TNKS: variants seen among roughly 807,000 people sequenced by gnomAD.
TNKS encodes the protein poly [ADP-ribose] polymerase tankyrase-1.
TNKS carries 72 observed loss-of-function variants against 135.8 expected under a neutral mutation model. The observed-to-expected ratio is 0.53, with a 90% CI of 0.44 to 0.64. TNKS has a LOEUF of 0.64. TNKS is among the 30% of genes least tolerant of loss of function. TNKS has a pLI of 0.00. For missense variants in TNKS, 1,769 were observed against 1,674.0 expected, an observed-to-expected ratio of 1.06 and a Z score of -0.99; for synonymous variants, 849 against 649.3, an observed-to-expected ratio of 1.31 and a Z score of -4.68.
At chr8:9,722,817 C>G (rs1313215211) in intron 12 of TNKS, among the ~76,000 whole-genome samples, 1 of 152,114 alleles carries the variant, frequency 6.6e-6, no homozygotes. Flanking sequence ...AAATTATGTG[C>G]ATAGCTTTTA....
At chr8:9,722,633 C>A (rs1392906843) in intron 12 of TNKS, 3 of 151,692 alleles carry the variant, frequency 2.0e-5, no homozygotes, top group African/African-American at 7.3e-5. Flanking sequence ...AGATATTACT[C>A]CTTGCCTAGG....
At chr8:9,592,037 C>G (rs1585205836) in intron 2 of TNKS, among the ~76,000 whole-genome samples, 1 of 152,116 alleles carries the variant, frequency 6.6e-6, no homozygotes, top group African/African-American at 2.4e-5. Flanking sequence ...TATTATAGGA[C>G]TCATTTTTAA....
At chr8:9,753,432 A>G (rs1350320504) in intron 20 of TNKS, among the ~76,000 whole-genome samples, 5 of 152,142 alleles carry the variant, frequency 3.3e-5, no homozygotes, top group Non-Finnish European at 7.4e-5. Context: ...ATTCCAATAG[A>G]CCCACCCTAT....
chr8:9,616,169 A>G (rs1395704900), intron 3 of TNKS, among the ~76,000 whole-genome samples: 1 of 152,182 alleles, frequency 6.6e-6, no homozygotes, highest in Non-Finnish European at 1.5e-5. Flanking sequence ...ATGATAGCTA[A>G]GTTATTTTTA....
At chr8:9,746,758 C>A (rs928609451) in intron 17 of TNKS, among the ~76,000 whole-genome samples, 1 of 152,036 alleles carries the variant, frequency 6.6e-6, no homozygotes, top group African/African-American at 2.4e-5. Context: ...GTGAATGATG[C>A]CCCCTCGACT....
intron 12 of TNKS, among the ~76,000 whole-genome samples, chr8:9,722,059 C>CA (rs752434732): frequency 1.6e-3 from 76 of 47,326 alleles, no homozygotes; most frequent in African/African-American, 4.0e-3. Context: ...TCCATCTCAA[C>CA]AAAAAAAAAA....
chr8:9,642,632 A>G (rs1384773733), intron 3 of TNKS, among the ~76,000 whole-genome samples: 2 of 146,332 alleles, frequency 1.4e-5, no homozygotes, highest in Admixed American at 1.4e-4. Context: ...ATTTTAGTTT[A>G]ATATACTGCA....
Position 9,608,875 on chromosome 8 carries a change from C to G in TNKS, c.899-6707C>G, listed in dbSNP as rs4265191. ...TTCTTTCAGGGATCACTGTTTACAA[C>G]TGCAGCTGGCTACTGCCTGCAGTTA... On this transcript the variant is annotated intron_variant, in intron 2 of 26. Transcript: ENST00000310430. Among the ~76,000 whole-genome samples, 23 of 152,176 alleles carry G rather than the reference C, an allele frequency of 1.5e-4. No homozygotes were observed. The South Asian group carries it at 4.8e-3, about 32-fold the overall frequency.
intron 26 of TNKS, among the ~76,000 whole-genome samples, chr8:9,772,819 GTGTGTGTGTGTC>G (rs1281262419): frequency 0.017 from 1,382 of 79,658 alleles, 17 homozygotes; most frequent in African/African-American, 0.05. Flanking sequence ...TTGTGTGTGT[GTGTGTGTGTGTC>G]TGTGTGTGTG....
chr8:9,606,611 A>T (rs1799230581), intron 2 of TNKS, among the ~76,000 whole-genome samples: 1 of 151,988 alleles, frequency 6.6e-6, no homozygotes, highest in African/African-American at 2.4e-5. Flanking sequence ...TATTTTCTTT[A>T]AGTCTTTGAA....
intron 20 of TNKS, among the ~76,000 whole-genome samples, chr8:9,761,258 T>C (rs902316893): frequency 6.6e-6 from 1 of 152,204 alleles, no homozygotes; most frequent in African/African-American, 2.4e-5. Context: ...GTGATGATCA[T>C]TTTGTATTTC....
chr8:9,568,507 A>G (rs1189809228), intron 1 of TNKS, among the ~76,000 whole-genome samples: 1 of 152,216 alleles, frequency 6.6e-6, no homozygotes, highest in African/African-American at 2.4e-5. Flanking sequence ...AATATTAGAA[A>G]TTTTAAAAAT....
At chr8:9,752,093 T>G (rs116113463) in intron 19 of TNKS, among the ~76,000 whole-genome samples, 2,151 of 152,310 alleles carry the variant, frequency 0.014, 25 homozygotes, top group African/African-American at 0.034. Context: ...TTGAACCACT[T>G]ATACTGAAAT....
At chr8:9,666,577 G>A (rs192094060) in intron 3 of TNKS, among the ~76,000 whole-genome samples, 146 of 152,180 alleles carry the variant, frequency 9.6e-4, no homozygotes, top group Non-Finnish European at 3.8e-4. Flanking sequence ...AAAATTAGCT[G>A]GCTGTGGTGG....
At chr8:9,594,255 A>G (rs1295677090) in intron 2 of TNKS, among the ~76,000 whole-genome samples, 1 of 152,208 alleles carries the variant, frequency 6.6e-6, no homozygotes, top group Non-Finnish European at 1.5e-5. Context: ...TAACAGCATT[A>G]TTAGAAGTGA....
At position 9,772,840 on chromosome 8, in the gene TNKS, T is replaced by TA. The variant is rs796882743; in HGVS notation, c.3897+2578_3897+2579insA. Reference sequence around the variant, plus strand: ...GTGTGTGTGTGTGTGTCTGTGTGTGTGTGTGTGTGTGTGTGTGTGTAGTGC... The same window carrying TA: ...GTGTGTGTGTGTGTGTCTGTGTGTGTAGTGTGTGTGTGTGTGTGTGTAGTGC... On this transcript the variant is annotated intron_variant, in intron 26 of 26. Coordinates refer to ENST00000310430, the MANE Select transcript of TNKS (RefSeq NM_003747.3). Among the ~76,000 whole-genome samples the TA allele has an allele frequency of 3.1e-4, 42 of 134,264 alleles. 1 individual carries two copies. In the South Asian group the frequency reaches 0.01, roughly 32 times the overall value. The allele number at this position is 134,264 out of a possible 152,430, so 88.1% of individuals were successfully genotyped here.
rs1179517891 is a variant in TNKS at position 9,756,719 on chromosome 8, GAATAATC to G, written c.3153+4094_3153+4100del. ...ATAGTTACCCAGCTACAGAATTTTG[GAATAATC>G]TTACTTTCATTCCTTTTATTTTAAC... On this transcript the variant is annotated intron_variant, in intron 20 of 26. Coordinates refer to ENST00000310430, the MANE Select transcript of TNKS (RefSeq NM_003747.3). Among the ~76,000 whole-genome samples, 4 of 152,172 alleles carry G rather than the reference GAATAATC, an allele frequency of 2.6e-5. No homozygotes were observed. The East Asian group carries it at 7.7e-4, about 29-fold the overall frequency.
intron 2 of TNKS, among the ~76,000 whole-genome samples, chr8:9,606,945 G>A (rs1427641382): frequency 6.6e-6 from 1 of 152,148 alleles, no homozygotes; most frequent in Middle Eastern, 3.4e-3. Context: ...CTTTAAGATT[G>A]TCTCTTCTGC....
chr8:9,723,867 C>T (rs185737824), intron 12 of TNKS, among the ~76,000 whole-genome samples: 128 of 151,834 alleles, frequency 8.4e-4, no homozygotes, highest in African/African-American at 2.9e-3. Context: ...TTGTATAACC[C>T]AGTGTGGGAT....
Sources: gnomAD v4.1 joint callset for allele counts (sites outside exome capture counted in the v4.1 genomes callset) on GRCh38, gnomAD v4.1.1 for gene constraint, MANE v1.5 for transcripts, NCBI Gene and HGNC (gene_info 2026-07-23, HGNC 2026-07-21) for gene names.